GPR158: variants seen among roughly 807,000 people sequenced by gnomAD.
The protein encoded by GPR158 is G protein-coupled receptor 158.
Under a neutral mutation model 78.2 loss-of-function variants are expected in GPR158, and 30 were observed. That is an observed-to-expected ratio of 0.38 (90% confidence interval 0.29 to 0.52). The LOEUF is 0.52. GPR158 is among the 20% of genes least tolerant of loss of function. The pLI, the probability that GPR158 is intolerant of heterozygous loss-of-function variation, is 0.83. For synonymous variants in GPR158, 581 were observed against 591.1 expected (o/e 0.98, Z 0.25); for missense variants, 1,463 against 1,523.5 (o/e 0.96, Z 0.66).
At chr10:25,274,265 T>C (rs902295978) in intron 2 of GPR158, among the ~76,000 whole-genome samples, 3 of 152,202 alleles carry the variant, frequency 2.0e-5, no homozygotes, top group African/African-American at 7.2e-5. Flanking sequence ...ATGCACACAA[T>C]TTATTAAAAT....
chr10:25,381,319 C>T lies in GPR158; in HGVS notation c.1009-14592C>T, dbSNP rs969713682. Among the ~76,000 whole-genome samples, 5 of 117,950 alleles carry T rather than the reference C, an allele frequency of 4.2e-5. No individual in the cohort carries two copies. The East Asian group carries it at 9.9e-4, about 23-fold the overall frequency. 77.4% of individuals were successfully genotyped at this position (117,950 alleles called of 152,430 possible). On this transcript the variant is annotated intron_variant, in intron 2 of 10. Transcript: ENST00000376351. Reference sequence around the variant, plus strand: ...AGCAAGGGTGGTGAGAGCCAAATTGCTCTGGTTTGATGAGGGAGGTAAGTA... The same window carrying T: ...AGCAAGGGTGGTGAGAGCCAAATTGTTCTGGTTTGATGAGGGAGGTAAGTA...
chr10:25,272,433 C>T (rs1803641380), intron 2 of GPR158, among the ~76,000 whole-genome samples: 1 of 152,060 alleles, frequency 6.6e-6, no homozygotes, highest in South Asian at 2.1e-4. Flanking sequence ...TTTCTATCTC[C>T]TCTGCTTCCC....
chr10:25,275,197 C>A (rs1469809929), intron 2 of GPR158, among the ~76,000 whole-genome samples: 1 of 152,090 alleles, frequency 6.6e-6, no homozygotes, highest in Non-Finnish European at 1.5e-5. Flanking sequence ...ATAATTTGAA[C>A]TCTGTTTAGT....
At chr10:25,561,686 A>AGTGC (rs960209469) in intron 6 of GPR158, among the ~76,000 whole-genome samples, 2 of 150,906 alleles carry the variant, frequency 1.3e-5, no homozygotes, top group African/African-American at 4.8e-5. Flanking sequence ...GCTTCAAAGG[A>AGTGC]GTGGTTTAGG....
intron 2 of GPR158, among the ~76,000 whole-genome samples, chr10:25,387,493 T>A (rs1834238079): frequency 6.6e-6 from 1 of 150,496 alleles, no homozygotes; most frequent in African/African-American, 2.4e-5. Context: ...AAAATGAGTT[T>A]GGGAATGTTC....
intron 5 of GPR158, among the ~76,000 whole-genome samples, chr10:25,549,928 C>T (rs1332619934): frequency 2.0e-5 from 3 of 152,156 alleles, no homozygotes; most frequent in Non-Finnish European, 2.9e-5. Flanking sequence ...TTTTCTGTTA[C>T]GACCTTGCTT....
At chr10:25,219,669 C>T (rs1382354624) in intron 1 of GPR158, among the ~76,000 whole-genome samples, 1 of 152,120 alleles carries the variant, frequency 6.6e-6, no homozygotes, top group East Asian at 1.9e-4. Flanking sequence ...GTACTTTTCT[C>T]ACAGGTTAAA....
At chr10:25,428,757 A>G (rs2130571940) in intron 4 of GPR158, among the ~76,000 whole-genome samples, 1 of 152,202 alleles carries the variant, frequency 6.6e-6, no homozygotes, top group African/African-American at 2.4e-5. Context: ...AGTAATAATT[A>G]ATAATTAAAA....
intron 2 of GPR158, among the ~76,000 whole-genome samples, chr10:25,223,579 T>C (rs1210770983): frequency 6.6e-6 from 1 of 152,208 alleles, no homozygotes; most frequent in Admixed American, 6.5e-5. Context: ...AGCTGGCTTC[T>C]CTGGAGGTTT....
chr10:25,332,155 A>G (rs1216179403), intron 2 of GPR158, among the ~76,000 whole-genome samples: 1 of 152,048 alleles, frequency 6.6e-6, no homozygotes, highest in Non-Finnish European at 1.5e-5. Context: ...ATACCTAGAG[A>G]TTCTGATTCA....
intron 8 of GPR158, among the ~76,000 whole-genome samples, chr10:25,593,879 A>C (rs1837370280): frequency 6.6e-6 from 1 of 152,082 alleles, no homozygotes; most frequent in Non-Finnish European, 1.5e-5. Flanking sequence ...CTTAATTATA[A>C]CTGTTTTTAA....
At chr10:25,313,454 T>C (rs1375623209) in intron 2 of GPR158, among the ~76,000 whole-genome samples, 1 of 151,992 alleles carries the variant, frequency 6.6e-6, no homozygotes, top group African/African-American at 2.4e-5. Flanking sequence ...GAGAGATATG[T>C]TGAAATATTG....
chr10:25,189,274 C>G (rs1283198276), intron 1 of GPR158, among the ~76,000 whole-genome samples: 1 of 152,250 alleles, frequency 6.6e-6, no homozygotes, highest in East Asian at 1.9e-4. Context: ...CCCAGCCATC[C>G]CATTACTGGG....
intron 2 of GPR158, among the ~76,000 whole-genome samples, chr10:25,224,592 T>G (rs1853348074): frequency 6.6e-6 from 1 of 152,000 alleles, no homozygotes; most frequent in Non-Finnish European, 1.5e-5. Context: ...TCACAATTTT[T>G]GAAAATCTTA....
At position 25,209,771 on chromosome 10, in the gene GPR158, C is replaced by T. The variant is rs138836087; in HGVS notation, c.903-11281C>T. ...TTAGAGGAAAAGTTAGCCTTATCCT[C>T]AAATAACCTAGATTGTCTGCTTATA... On this transcript the variant is annotated intron_variant, in intron 1 of 10. Transcript: ENST00000376351. 3.3e-5 allele frequency among the ~76,000 whole-genome samples: 5 copies of T among 152,272 alleles called. No homozygotes were observed. In the East Asian group the frequency reaches 9.6e-4, roughly 29 times the overall value.
intron 7 of GPR158, among the ~76,000 whole-genome samples, chr10:25,586,661 C>T (rs1005435873): frequency 2.6e-5 from 4 of 152,228 alleles, no homozygotes; most frequent in African/African-American, 9.6e-5. Context: ...GATCCACCTG[C>T]CTCAGCCTCT....
At chr10:25,583,873 A>G (rs1837234553) in intron 7 of GPR158, among the ~76,000 whole-genome samples, 1 of 152,204 alleles carries the variant, frequency 6.6e-6, no homozygotes, top group South Asian at 2.1e-4. Context: ...AGAGTACCAC[A>G]GCTTGAGTGG....
chr10:25,191,223 G>A (rs186612136), intron 1 of GPR158, among the ~76,000 whole-genome samples: 1 of 152,342 alleles, frequency 6.6e-6, no homozygotes, highest in East Asian at 1.9e-4. Flanking sequence ...AAGTAAAGGG[G>A]ATTTTAGAGA....
At chr10:25,308,335 T>C (rs1854713219) in intron 2 of GPR158, among the ~76,000 whole-genome samples, 1 of 152,110 alleles carries the variant, frequency 6.6e-6, no homozygotes, top group African/African-American at 2.4e-5. Context: ...CAGTGTGTCT[T>C]GTTCCCCTCC....
Sources: allele counts gnomAD v4.1 joint callset (sites outside exome capture counted in the v4.1 genomes callset), GRCh38; gene constraint gnomAD v4.1.1; transcripts MANE v1.5; gene names NCBI Gene and HGNC (gene_info 2026-07-23, HGNC 2026-07-21).